SPNS2: variants seen among roughly 807,000 people sequenced by gnomAD.
SPNS2 encodes SPNS lysolipid transporter 2, sphingosine-1-phosphate.
In SPNS2, 37 loss-of-function variants were observed where a neutral mutation model predicts 57.6. The ratio of observed to expected loss-of-function variants is 0.64; its 90% CI spans 0.49 to 0.85. SPNS2 has a LOEUF of 0.85. Ranked by LOEUF, SPNS2 falls within the 40% of genes least tolerant of loss-of-function variation. SPNS2 has a pLI of 0.00. For missense variants in SPNS2, 831 were observed against 779.1 expected (o/e 1.07, Z -0.79); for synonymous variants, 440 against 346.9 (o/e 1.27, Z -2.98).
At chr17:4,523,073 C>G (rs557908737) in intron 2 of SPNS2, among the ~76,000 whole-genome samples, 35 of 152,368 alleles carry the variant, frequency 2.3e-4, no homozygotes, top group African/African-American at 8.2e-4. Context: ...TGTTCTTGCC[C>G]CAATAATTGC....
chr17:4,536,211 TG>T, intron 10 of SPNS2, 37 bp downstream of exon 10: 1 of 1,608,300 alleles, frequency 6.2e-7, no homozygotes, highest in Non-Finnish European at 8.5e-7. Context: ...CAGGGCAGGC[TG>T]GGGGACTGCA....
intron 2 of SPNS2, among the ~76,000 whole-genome samples, chr17:4,521,457 C>G (rs1362042720): frequency 6.6e-6 from 1 of 152,212 alleles, no homozygotes; most frequent in African/African-American, 2.4e-5. Flanking sequence ...CCGGCCTGCT[C>G]TGGGCAGGGT....
chr17:4,520,494 G>A (rs1272732179), intron 2 of SPNS2, among the ~76,000 whole-genome samples: 2 of 152,074 alleles, frequency 1.3e-5, no homozygotes, highest in East Asian at 3.9e-4. Flanking sequence ...GTTGGGGGGC[G>A]GGGTGGAGAG....
At chr17:4,519,856 C>T (rs1438736056) in intron 2 of SPNS2, among the ~76,000 whole-genome samples, 1 of 152,246 alleles carries the variant, frequency 6.6e-6, no homozygotes, top group Non-Finnish European at 1.5e-5. Flanking sequence ...CTTCGCCTAT[C>T]CTGTCCCTTC....
intron 2 of SPNS2, among the ~76,000 whole-genome samples, chr17:4,524,520 A>G (rs1905217080): frequency 6.6e-6 from 1 of 152,164 alleles, no homozygotes; most frequent in Admixed American, 6.5e-5. Flanking sequence ...CCCCATCTCT[A>G]CTAAAATACA....
intron 2 of SPNS2, among the ~76,000 whole-genome samples, chr17:4,524,689 A>G (rs1012512282): frequency 1.3e-5 from 2 of 152,260 alleles, no homozygotes; most frequent in African/African-American, 2.4e-5. Flanking sequence ...GTCTCAAAAC[A>G]ATAAAAATAA....
chr17:4,501,693 T>G (rs1904518417), intron 1 of SPNS2, among the ~76,000 whole-genome samples: 2 of 152,182 alleles, frequency 1.3e-5, no homozygotes, highest in Non-Finnish European at 2.9e-5. Flanking sequence ...ATTTATTATC[T>G]CTATGGTAAC....
chr17:4,525,157 G>A lies in SPNS2; in HGVS notation c.537G>A (p.Ser179=), dbSNP rs747230413. Residue 179 remains serine (S), a synonymous_variant, in exon 3 of 13, where the codon TCG becomes TCA. Coordinates refer to ENST00000329078, the MANE Select transcript of SPNS2 (RefSeq NM_001124758.3). The stretch of plus-strand genomic sequence containing the variant: ...TCAGCTGCGGCATTTTCTTCTGGTC[G>A]GCCGTCACCTTCTCCAGCTCCTTCA... ...VILSCGIFFW[S]AVTFSSSFIP... 40 of 1,614,016 alleles carry A rather than the reference G, an allele frequency of 2.5e-5. No homozygotes were observed. The highest frequency in any genetic ancestry group is 5.5e-5 in the South Asian group (5 of 91,084).
chr17:4,536,432 T>TGG lies in SPNS2; in HGVS notation c.1607+12_1607+13dup, dbSNP rs3053652. 0.28 allele frequency: 440,500 copies of TGG among 1,576,752 alleles called. 65,053 individuals are homozygous for TGG. The highest frequency in any genetic ancestry group is 0.31 in the Non-Finnish European group (368,403 of 1,171,360). On this transcript the variant is annotated splice_region_variant and intron_variant, in intron 11 of 12. Transcript: ENST00000329078. ...CGCGCCAGGGCTGAGCAGCAGTGAGTGGGGGGGAGGGGAGGCCCTGCTGCA... is the reference window on the plus strand; with the variant it reads ...CGCGCCAGGGCTGAGCAGCAGTGAGTGGGGGGGGGAGGGGAGGCCCTGCTGCA...
chr17:4,508,139 A>G lies in SPNS2; in HGVS notation c.371-5108A>G, dbSNP rs76845077. 7.6e-3 allele frequency among the ~76,000 whole-genome samples: 1,152 copies of G among 152,280 alleles called. 20 individuals carry two copies. The highest frequency in any genetic ancestry group is 0.026 in the African/African-American group (1,097 of 41,556). On this transcript the variant is annotated intron_variant, in intron 1 of 12. Transcript: ENST00000329078. ...CAGGCACCACTTCACCAAGAGCCTC[A>G]GAGGAGAGAGGCGCAGGTATCCTGG...
chr17:4,523,384 G>A (rs1905187347), intron 2 of SPNS2, among the ~76,000 whole-genome samples: 1 of 152,226 alleles, frequency 6.6e-6, no homozygotes, highest in African/African-American at 2.4e-5. Context: ...GTTGCAGTGA[G>A]CGGAAATCGC....
At position 4,536,435 on chromosome 17, in the gene SPNS2, G is replaced by GT; in HGVS notation, c.1607+9_1607+10insT. 1 of 1,592,040 alleles carries GT rather than the reference G, an allele frequency of 6.3e-7. No individual in the cohort carries two copies. Among genetic ancestry groups the GT allele is most frequent in the Non-Finnish European group, 8.5e-7 (1 of 1,174,954 alleles). On this transcript the variant is annotated intron_variant, in intron 11 of 12. Transcript: ENST00000329078. ...GCCAGGGCTGAGCAGCAGTGAGTGG[G>GT]GGGGAGGGGAGGCCCTGCTGCACCG...
At chr17:4,531,995 C>T (rs1905497484) in intron 5 of SPNS2, among the ~76,000 whole-genome samples, 1 of 152,076 alleles carries the variant, frequency 6.6e-6, no homozygotes, top group Admixed American at 6.5e-5. Context: ...AGCACCTTCC[C>T]AGGGCCCTGC....
intron 2 of SPNS2, among the ~76,000 whole-genome samples, chr17:4,520,793 T>C (rs1160183651): frequency 6.6e-6 from 1 of 152,174 alleles, no homozygotes; most frequent in Non-Finnish European, 1.5e-5. Flanking sequence ...GCACACTCGC[T>C]GTGTGACATC....
At position 4,512,360 on chromosome 17, in the gene SPNS2, G is replaced by T. The variant is rs1173325384; in HGVS notation, c.371-887G>T. On this transcript the variant is annotated intron_variant, in intron 1 of 12. Transcript: ENST00000329078. The surrounding 1 kb of genome is among the most constrained non-coding windows in gnomAD (Gnocchi z 5.2). ...GAGCCCTGGCTGAGTGCTGCGAGGGGTAGGAGGTCCAAGATCCTGCCTGTC... is the reference window on the plus strand; with the variant it reads ...GAGCCCTGGCTGAGTGCTGCGAGGGTTAGGAGGTCCAAGATCCTGCCTGTC... 6.6e-6 allele frequency among the ~76,000 whole-genome samples: 1 copy of T among 152,076 alleles called. No homozygotes were observed. The highest frequency in any genetic ancestry group is 6.6e-5 in the Admixed American group (1 of 15,266).
In SPNS2 at chr17:4,533,320, G is replaced by T. The variant is rs202025950; in HGVS notation, c.1166G>T (p.Arg389Leu). The T allele has an allele frequency of 1.9e-6, 3 of 1,611,746 alleles. No individual in the cohort carries two copies. The highest frequency in any genetic ancestry group is 2.7e-5 in the African/African-American group (2 of 74,924). The change falls in exon 8 of 13, where the codon CGC becomes CTC. Residue 389 changes from arginine to leucine, a missense_variant. Physicochemically the swap from Arg to Leu is moderately radical, Grantham distance 102. Around this residue, in one of 2 missense-constraint regions of SPNS2, gnomAD observed 526 missense variants for 400.9 expected, o/e 1.31. Transcript: ENST00000329078. ...GGGGCAGGAGCCACGCGCTGGTGCC[G>T]CCTGAAGACCCAGCGGGCCGACCCA... is the stretch of plus-strand genomic sequence containing the variant. ...VTGAGATRWC[R>L]LKTQRADPLV... is the part of the protein sequence containing the mutation.
intron 2 of SPNS2, among the ~76,000 whole-genome samples, chr17:4,524,012 A>G (rs1905204888): frequency 1.3e-5 from 2 of 152,220 alleles, no homozygotes; most frequent in South Asian, 2.1e-4. Flanking sequence ...TTGAATGACA[A>G]GACGGTAGAA....
At position 4,538,827 on chromosome 17, in the gene SPNS2, ACCAGCCTCCACCCCCACT is replaced by A. The variant is rs1473190876; in HGVS notation, c.*1388_*1405del. ...GGGGTGGGGGTGGCATCCTCCAAAG[ACCAGCCTCCACCCCCACT>A]CCAGCCTCAGCGGGGCCCCAGCGAT... On this transcript the variant is annotated 3_prime_UTR_variant, in exon 13 of 13. Coordinates refer to ENST00000329078, the MANE Select transcript of SPNS2 (RefSeq NM_001124758.3). 5.2e-6 allele frequency: 4 copies of A among 774,750 alleles called. No homozygotes were observed. Among genetic ancestry groups the A allele is most frequent in the South Asian group, 4.1e-5 (3 of 74,042 alleles). 48.0% of individuals were successfully genotyped at this position (774,750 alleles called of 1,614,324 possible). A position where few individuals can be genotyped will look rare whatever the true frequency, so the allele number is the denominator to read the frequency against.
Position 4,538,720 on chromosome 17 carries a change from G to T in SPNS2, c.*1272G>T. 1.5e-6 allele frequency: 1 copy of T among 646,278 alleles called. No homozygotes were observed. The highest frequency in any genetic ancestry group is 1.7e-5 in the South Asian group (1 of 58,928). 40.0% of individuals were successfully genotyped at this position (646,278 alleles called of 1,614,324 possible). ...TCTTCTTGCCCCTTAGTTACTGGCT[G>T]GCTGTGGCTTCAGTGGTGTGTAAGC... On this transcript the variant is annotated 3_prime_UTR_variant, in exon 13 of 13. Transcript: ENST00000329078.
Sources: gnomAD v4.1 joint callset for allele counts (sites outside exome capture counted in the v4.1 genomes callset) on GRCh38, gnomAD v4.1.1 for gene constraint, gnomAD v4.1.1 regional missense constraint, Gnocchi (gnomAD v3.1) non-coding constraint, MANE v1.5 for transcripts, NCBI Gene and HGNC (gene_info 2026-07-23, HGNC 2026-07-21) for gene names.